Variants in RBM47 observed in about 807,000 individuals in gnomAD.
RBM47 encodes RNA-binding protein 47.
RBM47 carries 21 observed loss-of-function variants against 47.1 expected under a neutral mutation model. That is an observed-to-expected ratio of 0.45 (90% CI 0.32 to 0.64). The LOEUF is 0.64. RBM47 is among the 30% of genes least tolerant of loss of function. The pLI, the probability that RBM47 is intolerant of heterozygous loss-of-function variation, is 0.05. For synonymous variants in RBM47, 375 were observed against 361.7 expected, an observed-to-expected ratio of 1.04 and a Z score of -0.42; for missense variants, 708 against 870.9, an observed-to-expected ratio of 0.81 and a Z score of 2.35.
chr4:40,601,036 GC>G (rs1425641464), intron 1 of RBM47, among the ~76,000 whole-genome samples: 1 of 137,274 alleles, frequency 7.3e-6, no homozygotes, highest in Admixed American at 7.6e-5. Context: ...TTCCTAGTAA[GC>G]CTTTCCAGTC....
intron 1 of RBM47, among the ~76,000 whole-genome samples, chr4:40,545,343 G>A (rs1354509165): frequency 4.8e-5 from 7 of 146,274 alleles, no homozygotes; most frequent in Non-Finnish European, 1.1e-4. Context: ...GAGCCACGGC[G>A]CCCGGCCTGA....
At chr4:40,436,168 T>C (rs1375077680) in intron 5 of RBM47, among the ~76,000 whole-genome samples, 1 of 134,562 alleles carries the variant, frequency 7.4e-6, no homozygotes, top group Admixed American at 7.6e-5. Context: ...CGAGACTCTG[T>C]CTCAAAAAAA....
At position 40,574,273 on chromosome 4, in the gene RBM47, T is replaced by C. The variant is rs191459648; in HGVS notation, c.-239-29767A>G. On this transcript the variant is annotated intron_variant, in intron 1 of 6. Transcript: ENST00000295971. The stretch of plus-strand genomic sequence containing the variant: ...AATAGACTGGGTAAAACTAGTACCA[T>C]GAGAAGAAACAAGCTTTTCAGTTAA... 2.8e-4 allele frequency among the ~76,000 whole-genome samples: 43 copies of C among 152,298 alleles called. No individual in the cohort carries two copies. The East Asian group carries it at 8.3e-3, about 29-fold the overall frequency.
chr4:40,500,904 C>G lies in RBM47; in HGVS notation c.-154-34205G>C, dbSNP rs1723271435. Among the ~76,000 whole-genome samples the G allele has an allele frequency of 2.0e-5, 3 of 152,096 alleles. No homozygotes were observed. The South Asian group carries it at 6.2e-4, about 32-fold the overall frequency. ...AAACACTGACCATGGTCGTGACATTCTTTGGTTTTCTATCACGTCTCTTAC... is the reference window on the plus strand; with the variant it reads ...AAACACTGACCATGGTCGTGACATTGTTTGGTTTTCTATCACGTCTCTTAC... On this transcript the variant is annotated intron_variant, in intron 2 of 6. Transcript: ENST00000295971.
chr4:40,456,571 C>T (rs201840236), intron 3 of RBM47, among the ~76,000 whole-genome samples: 731 of 111,934 alleles, frequency 6.5e-3, no homozygotes, highest in Non-Finnish European at 6.7e-3. Context: ...TTTCTTTTTT[C>T]TTTTTTTTTT....
At chr4:40,538,825 A>T (rs1036943327) in intron 2 of RBM47, among the ~76,000 whole-genome samples, 1 of 151,262 alleles carries the variant, frequency 6.6e-6, no homozygotes, top group African/African-American at 2.4e-5. Context: ...TAATAGAGAC[A>T]GGGTTTCACC....
chr4:40,451,184 CAAAAAAA>C (rs958122281), intron 3 of RBM47, among the ~76,000 whole-genome samples: 27 of 51,474 alleles, frequency 5.2e-4, no homozygotes, highest in African/African-American at 1.1e-3. Context: ...CAGTAGCTAC[CAAAAAAA>C]AAAAAAAAAA....
At chr4:40,606,036 T>TA (rs564276577) in intron 1 of RBM47, among the ~76,000 whole-genome samples, 16,020 of 129,834 alleles carry the variant, frequency 0.12, 905 homozygotes, top group South Asian at 0.15. Context: ...TTTCTCTACT[T>TA]AAAAAAAAAA....
At chr4:40,477,205 G>T (rs1386027233) in intron 2 of RBM47, among the ~76,000 whole-genome samples, 1 of 152,124 alleles carries the variant, frequency 6.6e-6, no homozygotes, top group East Asian at 1.9e-4. Context: ...AACAAAAACG[G>T]CCAGAATGAC....
intron 6 of RBM47, among the ~76,000 whole-genome samples, chr4:40,428,079 G>C (rs902856957): frequency 3.9e-5 from 6 of 152,102 alleles, no homozygotes; most frequent in Non-Finnish European, 7.4e-5. Context: ...TGTAGTTCCA[G>C]CTACTCAAGA....
At chr4:40,586,225 C>A (rs141427931) in intron 1 of RBM47, among the ~76,000 whole-genome samples, 2 of 152,212 alleles carry the variant, frequency 1.3e-5, no homozygotes, top group South Asian at 2.1e-4. Context: ...ATCGGTTCAT[C>A]CTGCTGAGGT....
chr4:40,466,563 G>A lies in RBM47; in HGVS notation c.-32+14C>T, dbSNP rs2154233210. 1 of 152,092 alleles carries A rather than the reference G, an allele frequency of 6.6e-6. No individual in the cohort carries two copies. The highest frequency in any genetic ancestry group is 3.4e-3 in the Middle Eastern group (1 of 294). 9.4% of individuals were successfully genotyped at this position (152,092 alleles called of 1,614,324 possible). ...TTAAGTGGAAGGGAAAAGGACCAGA[G>A]GAAGTATACTCACCAAAACCACTAA... On this transcript the variant is annotated intron_variant, in intron 3 of 6. Coordinates refer to ENST00000295971, the MANE Select transcript of RBM47 (RefSeq NM_001098634.2).
chr4:40,581,621 G>A (rs1167400949), intron 1 of RBM47, among the ~76,000 whole-genome samples: 2 of 151,720 alleles, frequency 1.3e-5, no homozygotes, highest in African/African-American at 2.4e-5. Flanking sequence ...GAGAAGGTGG[G>A]GGTGGTGGGG....
rs12644256 is a variant in RBM47, at chr4:40,539,943, C to T, written c.-155+4479G>A. 9.5e-4 allele frequency among the ~76,000 whole-genome samples: 145 copies of T among 152,168 alleles called. 1 individual carries two copies. The East Asian group carries it at 0.024, about 25-fold the overall frequency. Reference sequence around the variant, plus strand: ...TTTCCTCCTTTTCAAATGCAACTTGCATTTTCAACTTGTGAGTTAAATAAT... The same window carrying T: ...TTTCCTCCTTTTCAAATGCAACTTGTATTTTCAACTTGTGAGTTAAATAAT... On this transcript the variant is annotated intron_variant, in intron 2 of 6. Coordinates refer to ENST00000295971, the MANE Select transcript of RBM47 (RefSeq NM_001098634.2).
At chr4:40,441,021 G>A (rs973302570) in intron 3 of RBM47, among the ~76,000 whole-genome samples, 6 of 151,944 alleles carry the variant, frequency 3.9e-5, no homozygotes, top group Non-Finnish European at 4.4e-5. Flanking sequence ...TCAAGTGCTT[G>A]GAAGCTGGTT....
chr4:40,527,742 T>TTGTGTG lies in RBM47; in HGVS notation c.-155+16674_-155+16679dup, dbSNP rs140846090. ...ATATTTTTTAACCTGCTAGTTTTCA[T>TTGTGTG]TGTGTGTGTGTGTGTGTGTTTGGGG... On this transcript the variant is annotated intron_variant, in intron 2 of 6. Transcript: ENST00000295971. Among the ~76,000 whole-genome samples, 813 of 134,584 alleles carry TTGTGTG rather than the reference T, an allele frequency of 6.0e-3. 10 individuals carry two copies. Among genetic ancestry groups the TTGTGTG allele is most frequent in the African/African-American group, 0.021 (747 of 34,886 alleles). The allele number at this position is 134,584 out of a possible 152,430, so 88.3% of individuals were successfully genotyped here. A position where few individuals can be genotyped will look rare whatever the true frequency, so the allele number is the denominator to read the frequency against.
chr4:40,496,071 C>T (rs1722524681), intron 2 of RBM47, among the ~76,000 whole-genome samples: 1 of 152,152 alleles, frequency 6.6e-6, no homozygotes, highest in Non-Finnish European at 1.5e-5. Flanking sequence ...TTTCATCTGC[C>T]TTCTCCTGCT....
intron 2 of RBM47, among the ~76,000 whole-genome samples, chr4:40,483,542 G>A (rs967472166): frequency 3.9e-5 from 6 of 152,164 alleles, no homozygotes; most frequent in South Asian, 2.1e-4. Context: ...TAAGATCACT[G>A]GTGTGCAGCC....
At chr4:40,493,949 G>A (rs1487463563) in intron 2 of RBM47, among the ~76,000 whole-genome samples, 1 of 151,896 alleles carries the variant, frequency 6.6e-6, no homozygotes, top group Admixed American at 6.6e-5. Flanking sequence ...AAAAATAAAG[G>A]ATATTAATTA....
Sources: allele counts gnomAD v4.1 joint callset (sites outside exome capture counted in the v4.1 genomes callset), GRCh38; gene constraint gnomAD v4.1.1; transcripts MANE v1.5; gene names NCBI Gene and HGNC (gene_info 2026-07-23, HGNC 2026-07-21).